The following INPP5D variants were observed in gnomAD, a reference collection of about 807,000 sequenced individuals.
The protein encoded by INPP5D is phosphatidylinositol 3,4,5-trisphosphate 5-phosphatase 1.
Under a neutral mutation model 122.9 loss-of-function variants are expected in INPP5D, and 33 were observed. That is an observed-to-expected ratio of 0.27 (90% CI 0.20 to 0.36). The LOEUF (loss-of-function observed/expected upper bound fraction) is 0.36. Among genes scored for constraint, INPP5D ranks in the 10% least tolerant of loss-of-function variants. INPP5D has a pLI of 1.00. For missense variants in INPP5D, 1,053 were observed against 1,412.7 expected, an observed-to-expected ratio of 0.75 and a Z score of 4.08; for synonymous variants, 584 against 576.2, an observed-to-expected ratio of 1.01 and a Z score of -0.19.
intron 2 of INPP5D, among the ~76,000 whole-genome samples, chr2:233,095,660 G>A (rs993201138): frequency 1.4e-5 from 2 of 146,338 alleles, no homozygotes; most frequent in South Asian, 4.4e-4. Flanking sequence ...CTGGGCTCAA[G>A]CAATCCTCCC....
At chr2:233,110,110 G>C (rs1692579273) in intron 2 of INPP5D, among the ~76,000 whole-genome samples, 2 of 148,794 alleles carry the variant, frequency 1.3e-5, no homozygotes, top group East Asian at 4.0e-4. Flanking sequence ...GGAGTGCAGT[G>C]GCATGATCTC....
chr2:233,166,812 C>T (rs1048849662), intron 13 of INPP5D, among the ~76,000 whole-genome samples: 31 of 152,024 alleles, frequency 2.0e-4, no homozygotes, highest in African/African-American at 7.0e-4. Flanking sequence ...TGGTGAAATC[C>T]CATCCCACTA....
chr2:233,087,468 A>G (rs1691883512), intron 2 of INPP5D, among the ~76,000 whole-genome samples: 1 of 152,118 alleles, frequency 6.6e-6, no homozygotes, highest in Non-Finnish European at 1.5e-5. Flanking sequence ...CTGGGACTAC[A>G]GGCACATGCC....
chr2:233,110,028 G>A (rs189314224), intron 2 of INPP5D, among the ~76,000 whole-genome samples: 11 of 151,652 alleles, frequency 7.3e-5, no homozygotes, highest in African/African-American at 1.5e-4. Flanking sequence ...GAGACTATAG[G>A]CATGTGCCAC....
At chr2:233,095,358 G>A (rs1161389869) in intron 2 of INPP5D, among the ~76,000 whole-genome samples, 4 of 152,154 alleles carry the variant, frequency 2.6e-5, no homozygotes, top group South Asian at 2.1e-4. Context: ...AGTGGCCCAC[G>A]CCTGTAATCC....
At chr2:233,202,200 G>A (rs1329247616) in intron 25 of INPP5D, among the ~76,000 whole-genome samples, 2 of 152,160 alleles carry the variant, frequency 1.3e-5, no homozygotes, top group South Asian at 4.1e-4. Context: ...GTGGTCAGAG[G>A]TCAGGACTTC....
intron 2 of INPP5D, among the ~76,000 whole-genome samples, chr2:233,081,906 A>T (rs1691701161): frequency 6.6e-6 from 1 of 152,038 alleles, no homozygotes; most frequent in Non-Finnish European, 1.5e-5. Context: ...CGCATGAGCC[A>T]CTCAGGGGCT....
chr2:233,156,979 G>A (rs1694070527), intron 9 of INPP5D, among the ~76,000 whole-genome samples: 1 of 152,200 alleles, frequency 6.6e-6, no homozygotes, highest in African/African-American at 2.4e-5. Context: ...TTCTGAACAA[G>A]AGAATCAGAA....
intron 1 of INPP5D, among the ~76,000 whole-genome samples, chr2:233,061,242 G>A (rs1370269816): frequency 7.7e-6 from 1 of 129,210 alleles, no homozygotes; most frequent in Non-Finnish European, 1.6e-5. Flanking sequence ...CCTCAATTTG[G>A]GTCTCTGTCA....
rs1691598000 is a variant in INPP5D, at chr2:233,078,917, G to A, written c.135-418G>A. Among the ~76,000 whole-genome samples the A allele has an allele frequency of 6.6e-6, 1 of 152,074 alleles. No individual in the cohort carries two copies. The highest frequency in any genetic ancestry group is 2.1e-4 in the South Asian group (1 of 4,822). Reference sequence around the variant, plus strand: ...AGGATGGTCTCAATCTCTTGACCTTGTGATCCACCCATCTCAGCCTCCCAA... The same window carrying A: ...AGGATGGTCTCAATCTCTTGACCTTATGATCCACCCATCTCAGCCTCCCAA... On this transcript the variant is annotated intron_variant, in intron 1 of 26. Transcript: ENST00000445964. This position sits in a 1 kb window ranked among gnomAD's most constrained non-coding sequence, Gnocchi z 4.6.
intron 2 of INPP5D, among the ~76,000 whole-genome samples, chr2:233,084,248 T>C (rs1275808715): frequency 3.3e-5 from 5 of 152,204 alleles, no homozygotes; most frequent in Non-Finnish European, 7.3e-5. Flanking sequence ...AGAGATAGGG[T>C]TTCACTATGT....
intron 1 of INPP5D, among the ~76,000 whole-genome samples, chr2:233,077,417 T>C (rs576440265): frequency 9.2e-5 from 14 of 152,204 alleles, no homozygotes; most frequent in Non-Finnish European, 1.6e-4. Context: ...TCCCAGCACT[T>C]TGGGAGGCCG....
At chr2:233,129,621 G>A (rs184562428) in intron 4 of INPP5D, among the ~76,000 whole-genome samples, 6 of 152,166 alleles carry the variant, frequency 3.9e-5, no homozygotes, top group African/African-American at 1.4e-4. Context: ...CGGCAAAGTC[G>A]GCCACTTGCA....
intron 2 of INPP5D, chr2:233,120,623 T>C (rs992719764): frequency 3.3e-5 from 5 of 152,342 alleles, no homozygotes; most frequent in Non-Finnish European, 7.3e-5. Flanking sequence ...GGGGTGCCTC[T>C]TTGGGGCTCA....
intron 17 of INPP5D, among the ~76,000 whole-genome samples, chr2:233,175,024 C>T (rs144125770): frequency 0.011 from 1,636 of 151,454 alleles, 30 homozygotes; most frequent in African/African-American, 0.038. Context: ...GTCAGGAGTT[C>T]CAGACCAGTC....
At position 233,178,271 on chromosome 2, in the gene INPP5D, TGAAA is replaced by T. The variant is rs1172902989; in HGVS notation, c.2071+934_2071+937del. Among the ~76,000 whole-genome samples, 17 of 151,872 alleles carry T rather than the reference TGAAA, an allele frequency of 1.1e-4. No individual in the cohort carries two copies. In the East Asian group the frequency reaches 3.1e-3, roughly 28 times the overall value. On this transcript the variant is annotated intron_variant, in intron 18 of 26. Transcript: ENST00000445964. Reference sequence around the variant, plus strand: ...ACGTAGACTCCATCTCTGAAAAAAATGAAAGAAAGAAATGACTGTTAACTCTTGA... The same window carrying T: ...ACGTAGACTCCATCTCTGAAAAAAATGAAAGAAATGACTGTTAACTCTTGA...
At chr2:233,067,117 A>C (rs1691251148) in intron 1 of INPP5D, among the ~76,000 whole-genome samples, 1 of 152,192 alleles carries the variant, frequency 6.6e-6, no homozygotes, top group Non-Finnish European at 1.5e-5. Flanking sequence ...GTGCATTCAC[A>C]ATGTTGTGAA....
chr2:233,077,491 C>G (rs1307092730), intron 1 of INPP5D, among the ~76,000 whole-genome samples: 1 of 152,010 alleles, frequency 6.6e-6, no homozygotes, highest in Non-Finnish European at 1.5e-5. Context: ...GAAACCCCAT[C>G]TCTACTAAAA....
intron 5 of INPP5D, among the ~76,000 whole-genome samples, chr2:233,138,815 G>A (rs912199929): frequency 1.1e-4 from 17 of 151,922 alleles, no homozygotes; most frequent in African/African-American, 3.9e-4. Flanking sequence ...GTGCGATCTC[G>A]GCTCACTGCA....
Sources: gnomAD v4.1 joint callset for allele counts (sites outside exome capture counted in the v4.1 genomes callset) on GRCh38, gnomAD v4.1.1 for gene constraint, Gnocchi (gnomAD v3.1) non-coding constraint, MANE v1.5 for transcripts, NCBI Gene and HGNC (gene_info 2026-07-23, HGNC 2026-07-21) for gene names.